The following DUOX2 variants were observed in gnomAD, a reference collection of about 807,000 sequenced individuals.
DUOX2 encodes dual oxidase 2.
DUOX2 carries 185 observed loss-of-function variants against 183.3 expected under a neutral mutation model. The observed-to-expected ratio is 1.01, with a 90% confidence interval of 0.90 to 1.14. The LOEUF is 1.14. Ranked by LOEUF, DUOX2 falls within the 50% of genes most tolerant of loss-of-function variation. The pLI is 0.00. For missense variants in DUOX2, 1,999 were observed against 2,022.9 expected (o/e 0.99, Z 0.23); for synonymous variants, 788 against 812.4 (o/e 0.97, Z 0.51).
intron 3 of DUOX2, 67 bp from the exon 4 acceptor site, chr15:45,112,785 T>G: frequency 6.2e-7 from 1 of 1,600,446 alleles, no homozygotes; most frequent in Admixed American, 1.7e-5. Flanking sequence ...AACCTCTCCC[T>G]AAGCCTCCCT....
intron 7 of DUOX2, 102 bp from the exon 8 acceptor site, chr15:45,110,812 AG>A: frequency 1.3e-6 from 2 of 1,569,208 alleles, no homozygotes; most frequent in Non-Finnish European, 1.7e-6. Flanking sequence ...GAGACCAGGA[AG>A]GGTCAATCAT....
rs1893837403 is a variant in DUOX2 at position 45,094,239 on chromosome 15, G to A, written c.4558C>T (p.Pro1520Ser). ...TTCTCTACATTCTTGGTCATTCCTG[G>A]AGGGCCGCAGCTGAACACCCCGATC... is the stretch of plus-strand genomic sequence containing the variant. ...RKIGVFSCGP[P>S]GMTKNVEKAC... The change falls in exon 34 of 34, where the codon CCA (proline) becomes TCA (serine). Residue 1520 changes from proline to serine, a missense_variant. By Grantham distance (74) the Pro-to-Ser change is moderately conservative (BLOSUM62 -1). Transcript: ENST00000389039. The A allele has an allele frequency of 1.9e-6, 3 of 1,614,042 alleles. No individual in the cohort carries two copies. The highest frequency in any genetic ancestry group is 2.5e-6 in the Non-Finnish European group (3 of 1,180,034).
intron 26 of DUOX2, chr15:45,099,013 C>CTT (rs1285199068): frequency 1.8e-3 from 395 of 224,944 alleles, no homozygotes; most frequent in South Asian, 3.5e-3. Context: ...CTATTTCTTT[C>CTT]TTTTTTTTTT....
Position 45,094,562 on chromosome 15 carries a change from C to T in DUOX2, c.4524+1G>A, listed in dbSNP as rs2141138954. ...CCAGGGTGGGAGGGAGTGGGACTGA[C>T]CTGTGGGTGGACCTCCTGCAGGGAG... On this transcript the variant is annotated splice_donor_variant, in intron 33 of 33. Transcript: ENST00000389039. LOFTEE classifies it high-confidence loss of function. 1 of 1,612,932 alleles carries T rather than the reference C, an allele frequency of 6.2e-7. No individual in the cohort carries two copies. The highest frequency in any genetic ancestry group is 2.2e-5 in the East Asian group (1 of 44,842).
chr15:45,110,033 TG>T, intron 9 of DUOX2, 53 bp from the exon 10 acceptor site: 1 of 1,536,704 alleles, frequency 6.5e-7, no homozygotes, highest in East Asian at 2.2e-5. Context: ...GAATCAAAGA[TG>T]GGGTTGAGTG....
intron 29 of DUOX2, among the ~76,000 whole-genome samples, chr15:45,097,028 G>T (rs996174898): frequency 6.6e-6 from 1 of 152,150 alleles, no homozygotes; most frequent in Non-Finnish European, 1.5e-5. Flanking sequence ...CTCACCATCT[G>T]CAAGTCTCCT....
intron 11 of DUOX2, 133 bp from the exon 12 acceptor site, chr15:45,109,085 C>A: frequency 1.7e-6 from 2 of 1,199,562 alleles, no homozygotes; most frequent in Non-Finnish European, 2.4e-6. Flanking sequence ...GAGATCTGTG[C>A]CCATGCTGAC....
At chr15:45,100,878 C>T in intron 22 of DUOX2, 40 bp from the exon 23 acceptor site, 12 of 1,457,750 alleles carry the variant, frequency 8.2e-6, no homozygotes, top group Non-Finnish European at 1.1e-5. Flanking sequence ...CTTGTCTTTG[C>T]AGCCAGGAGA....
rs117974015 is a variant in DUOX2, at chr15:45,107,168, G to A, written c.1693+177C>T. On this transcript the variant is annotated intron_variant, in intron 14 of 33. Coordinates refer to ENST00000389039, the MANE Select transcript of DUOX2 (RefSeq NM_001363711.2). ...CCCATCCACCCCTTCTTGACTGTAG[G>A]GTGTAGCTTGTGTGCTAGTTGAGGT... Among the ~76,000 whole-genome samples, 1,858 of 152,316 alleles carry A rather than the reference G, an allele frequency of 0.012. 21 individuals carry two copies. The highest frequency in any genetic ancestry group is 0.022 in the Non-Finnish European group (1,463 of 68,038).
Position 45,099,462 on chromosome 15 carries a change from C to T in DUOX2, c.3436G>A (p.Ala1146Thr), listed in dbSNP as rs757212555. 9.3e-6 allele frequency: 15 copies of T among 1,613,804 alleles called. No individual in the cohort carries two copies. Among genetic ancestry groups the T allele is most frequent in the South Asian group, 5.5e-5 (5 of 91,068 alleles). The stretch of plus-strand genomic sequence containing the variant: ...ACTGAGAAGATGTAGACATTGACTG[C>T]GTGGCCAGCACTGTGCAAAACTGGA... The part of the protein sequence containing the change: ...VLAILHSAGH[A>T]VNVYIFSVSP... The change falls in exon 26 of 34, where the codon GCA (alanine) becomes ACA (threonine). Residue 1146 changes from alanine to threonine, a missense_variant. Ala to Thr is a moderately conservative substitution (Grantham distance 58). Around this residue, in one of 3 missense-constraint regions of DUOX2, gnomAD observed 1,628 missense variants for 1,608.6 expected, o/e 1.01. Transcript: ENST00000389039.
chr15:45,101,139 T>C, intron 22 of DUOX2, 66 bp downstream of exon 22: 2 of 1,439,756 alleles, frequency 1.4e-6, no homozygotes, highest in Non-Finnish European at 1.9e-6. Context: ...CAGCCAGTCC[T>C]ACTCCCTTCA....
intron 18 of DUOX2, among the ~76,000 whole-genome samples, chr15:45,105,035 A>G: frequency 1.3e-5 from 2 of 152,116 alleles, no homozygotes; most frequent in African/African-American, 4.8e-5. Context: ...TGGCCATGCT[A>G]GTCTCGAACT....
chr15:45,101,378 C>G (rs2141146049), intron 21 of DUOX2, 104 bp from the exon 22 acceptor site: 2 of 988,026 alleles, frequency 2.0e-6, no homozygotes, highest in Middle Eastern at 2.2e-4. Flanking sequence ...GTCCAGATCT[C>G]TGACTCGAGT....
rs1894019235 is a variant in DUOX2 at position 45,099,771 on chromosome 15, G to A, written c.3306C>T (p.Cys1102=). The change falls in exon 25 of 34, where the codon TGC becomes TGT. Residue 1102 remains cysteine (C), a synonymous_variant. Coordinates refer to ENST00000389039, the MANE Select transcript of DUOX2 (RefSeq NM_001363711.2). The part of the protein sequence containing the change: ...FMFSYILLTM[C]RNLITFLRET... The stretch of plus-strand genomic sequence containing the variant: ...CTCGCAGGAAGGTTATGAGGTTGCG[G>A]CACATGGTGAGCAAGATATAAGAGA... The A allele has an allele frequency of 1.2e-6, 2 of 1,614,202 alleles. No individual in the cohort carries two copies. Among genetic ancestry groups the A allele is most frequent in the Non-Finnish European group, 1.7e-6 (2 of 1,180,042 alleles).
chr15:45,105,811 A>G lies in DUOX2; in HGVS notation c.2166T>C (p.Ser722=), dbSNP rs1334033332. 6.2e-7 allele frequency: 1 copy of G among 1,614,046 alleles called. No individual in the cohort carries two copies. Among genetic ancestry groups the G allele is most frequent in the Admixed American group, 1.7e-5 (1 of 60,012 alleles). ...KEYDLVLLFS[S]EEERGAFVQQ... is the part of the protein sequence containing the mutation. Reference sequence around the variant, plus strand: ...GCACAAAGGCGCCCCGTTCCTCTTCAGAACTAAACAGCAGCACCTGGGTGG... The same window carrying G: ...GCACAAAGGCGCCCCGTTCCTCTTCGGAACTAAACAGCAGCACCTGGGTGG... The change falls in exon 18 of 34, where the codon TCT becomes TCC. Residue 722 remains serine, a synonymous_variant. Coordinates refer to ENST00000389039, the MANE Select transcript of DUOX2 (RefSeq NM_001363711.2).
At chr15:45,113,296 A>G in intron 2 of DUOX2, 46 bp downstream of exon 2, 1 of 1,545,010 alleles carries the variant, frequency 6.5e-7, no homozygotes. Context: ...CCCACCTCCC[A>G]GGGATCCTGG....
rs117599686 is a variant in DUOX2, at chr15:45,108,251, G to A, written c.1399-29C>T. On this transcript the variant is annotated intron_variant, in intron 12 of 33. Transcript: ENST00000389039. ...GGGCACCACAGGAGATAAGGGGTGAGCGTATGTTTGCTGCGGAGGGCAGCC... is the reference window on the plus strand; with the variant it reads ...GGGCACCACAGGAGATAAGGGGTGAACGTATGTTTGCTGCGGAGGGCAGCC... The A allele has an allele frequency of 0.023, 36,469 of 1,613,032 alleles. 505 individuals carry two copies. Among genetic ancestry groups the A allele is most frequent in the Non-Finnish European group, 0.027 (32,242 of 1,179,724 alleles).
chr15:45,113,633 C>T (rs1160318848), intron 1 of DUOX2, among the ~76,000 whole-genome samples: 1 of 152,178 alleles, frequency 6.6e-6, no homozygotes, highest in African/African-American at 2.4e-5. Context: ...GAGGCATTGA[C>T]ACTGTTCCCC....
In DUOX2 at chr15:45,112,985, A is replaced by G. The variant is rs1375831201; in HGVS notation, c.160+2T>C. 2 of 1,613,304 alleles carry G rather than the reference A, an allele frequency of 1.2e-6. No individual in the cohort carries two copies. The highest frequency in any genetic ancestry group is 1.7e-6 in the Non-Finnish European group (2 of 1,179,850). The stretch of plus-strand genomic sequence containing the variant: ...CAGCACGCCCGGGCCCCCAGAACGC[A>G]CCAACAGCACCACGCTCGTGGTGCC... On this transcript the variant is annotated splice_donor_variant, in intron 3 of 33. Transcript: ENST00000389039. LOFTEE classifies it high-confidence loss of function.
Sources: gnomAD v4.1 joint callset for allele counts (sites outside exome capture counted in the v4.1 genomes callset) on GRCh38, gnomAD v4.1.1 for gene constraint, gnomAD v4.1.1 regional missense constraint, MANE v1.5 for transcripts, NCBI Gene and HGNC (gene_info 2026-07-23, HGNC 2026-07-21) for gene names.